Variants in CIMIP2A observed in about 807,000 individuals in gnomAD.
The protein encoded by CIMIP2A is family with sequence similarity 166 member A.
At chr9:137,245,797 G>A in the CIMIP2A span, 1 of 1,534,068 alleles carries the variant, frequency 6.5e-7, no homozygotes, top group African/African-American at 1.4e-5. Context: ...CTGCCCCGTG[G>A]TACGCCCATA....
chr9:137,245,420 G>A, the CIMIP2A span: 34 of 1,613,784 alleles, frequency 2.1e-5, no homozygotes, highest in South Asian at 3.0e-4. Flanking sequence ...GGGCACGGAG[G>A]GTGCGGGGTG....
the CIMIP2A span, chr9:137,253,587 G>A: frequency 1.8e-6 from 2 of 1,133,510 alleles, no homozygotes; most frequent in Non-Finnish European, 2.4e-6. Context: ...TCTCCATTCA[G>A]CTGCCCCTGA....
At chr9:137,244,951 G>A in the CIMIP2A span, 3,525 of 1,602,746 alleles carry the variant, frequency 2.2e-3, 59 homozygotes, top group East Asian at 0.038. Flanking sequence ...GGGAGGCAGA[G>A]GAGGTCCCCC....
At chr9:137,253,924 C>G in the CIMIP2A span, among the ~76,000 whole-genome samples, 6 of 152,198 alleles carry the variant, frequency 3.9e-5, no homozygotes, top group Non-Finnish European at 8.8e-5. Context: ...GTGCCCTGAA[C>G]ACTCTGGCCC....
At chr9:137,246,264 G>A in the CIMIP2A span, among the ~76,000 whole-genome samples, 2 of 152,232 alleles carry the variant, frequency 1.3e-5, no homozygotes, top group African/African-American at 4.8e-5. Flanking sequence ...CCACCAGGAG[G>A]GTGTTGCGTG....
the CIMIP2A span, among the ~76,000 whole-genome samples, chr9:137,254,934 G>T: frequency 6.6e-6 from 1 of 152,234 alleles, no homozygotes; most frequent in Non-Finnish European, 1.5e-5. Context: ...AGGAACCCAC[G>T]CTCAGGAGGG....
At chr9:137,251,853 C>T in the CIMIP2A span, 3 of 1,608,198 alleles carry the variant, frequency 1.9e-6, no homozygotes, top group Non-Finnish European at 2.5e-6. Context: ...GGGCACCCCC[C>T]AGGAGTCCCT....
the CIMIP2A span, among the ~76,000 whole-genome samples, chr9:137,253,743 C>G: frequency 1.3e-5 from 2 of 152,322 alleles, no homozygotes; most frequent in Admixed American, 1.3e-4. Flanking sequence ...TGAGGGTCAG[C>G]TGCTTGCCGA....
At chr9:137,243,708 T>G in the CIMIP2A span, 1 of 1,614,132 alleles carries the variant, frequency 6.2e-7, no homozygotes, top group South Asian at 1.1e-5. Flanking sequence ...TTTCATAGTG[T>G]GTGGTTTCGC....
the CIMIP2A span, among the ~76,000 whole-genome samples, chr9:137,249,984 A>G: frequency 1.3e-5 from 2 of 150,874 alleles, no homozygotes; most frequent in Non-Finnish European, 3.0e-5. Flanking sequence ...CCCTGCCCCT[A>G]TCTGTGTCTG....
At chr9:137,251,734 G>C in the CIMIP2A span, 4 of 1,560,366 alleles carry the variant, frequency 2.6e-6, no homozygotes, top group Non-Finnish European at 3.5e-6. Context: ...GGTCTCCCTT[G>C]CAGGCCCAAG....
chr9:137,246,383 G>A, the CIMIP2A span, among the ~76,000 whole-genome samples: 3 of 152,202 alleles, frequency 2.0e-5, no homozygotes, highest in Non-Finnish European at 2.9e-5. Context: ...ATTCAACCTC[G>A]AGGGGCATGG....
chr9:137,247,778 G>A, the CIMIP2A span: 1 of 1,533,034 alleles, frequency 6.5e-7, no homozygotes, highest in South Asian at 1.1e-5. Flanking sequence ...CTTCCCTGAG[G>A]GGAGTCCTGT....
At chr9:137,246,137 C>T in the CIMIP2A span, among the ~76,000 whole-genome samples, 1 of 152,256 alleles carries the variant, frequency 6.6e-6, no homozygotes, top group Non-Finnish European at 1.5e-5. Flanking sequence ...CCCTCTCCCA[C>T]CCCTCATTCC....
the CIMIP2A span, chr9:137,245,735 T>TG: frequency 6.2e-7 from 1 of 1,601,364 alleles, no homozygotes. Context: ...GGTTTGGACA[T>TG]GGGGGACAGC....
chr9:137,252,912 C>A, the CIMIP2A span: 1 of 1,599,012 alleles, frequency 6.3e-7, no homozygotes, highest in East Asian at 2.3e-5. Flanking sequence ...AGCCCCCGCT[C>A]GCCGGCCTTC....
chr9:137,252,105 T>G, the CIMIP2A span: 3 of 1,611,982 alleles, frequency 1.9e-6, no homozygotes, highest in Non-Finnish European at 2.5e-6. Context: ...ACACCCCCAC[T>G]ACAGCATCGG....
the CIMIP2A span, among the ~76,000 whole-genome samples, chr9:137,246,777 A>G: frequency 6.6e-6 from 1 of 151,928 alleles, no homozygotes; most frequent in Admixed American, 6.5e-5. Context: ...GAAAAAAAAA[A>G]GCCGAGCAAC....
At chr9:137,252,054 A>T in the CIMIP2A span, 7 of 1,612,986 alleles carry the variant, frequency 4.3e-6, no homozygotes, top group Non-Finnish European at 5.9e-6. Context: ...CAGCCCCACC[A>T]GGTACCAGGT....
Sources: gnomAD v4.1 joint callset for allele counts (sites outside exome capture counted in the v4.1 genomes callset) on GRCh38, gnomAD v4.1.1 for gene constraint, MANE v1.5 for transcripts, NCBI Gene and HGNC (gene_info 2026-07-23, HGNC 2026-07-21) for gene names.